ANKRD44: variants seen among roughly 807,000 people sequenced by gnomAD.
ANKRD44 encodes the protein ankyrin repeat domain 44, also known as serine/threonine-protein phosphatase 6 regulatory ankyrin repeat subunit B.
A neutral mutation model predicts 116.0 loss-of-function variants in ANKRD44; 35 were observed. That is an observed-to-expected ratio of 0.30 (90% confidence interval 0.23 to 0.40). The LOEUF (loss-of-function observed/expected upper bound fraction) is 0.40, where lower values mean the gene tolerates loss of function less well. ANKRD44 is among the 10% of genes least tolerant of loss of function. The pLI is 1.00. For missense variants in ANKRD44, 1,014 were observed against 1,242.6 expected (o/e 0.82, Z 2.77); for synonymous variants, 435 against 461.8 (o/e 0.94, Z 0.74).
rs115226815 is a variant in ANKRD44, at chr2:197,293,746, G to A, written c.27+16832C>T. Among the ~76,000 whole-genome samples, 237 of 152,260 alleles carry A rather than the reference G, an allele frequency of 1.6e-3. 1 individual carries two copies. The highest frequency in any genetic ancestry group is 5.4e-3 in the African/African-American group (226 of 41,558). On this transcript the variant is annotated intron_variant, in intron 1 of 27. Coordinates refer to ENST00000282272, the MANE Select transcript of ANKRD44 (RefSeq NM_001195144.2). ...TCTTTACCCACAGGGGAACGATGAG[G>A]CAATATCCTTATGGCCTTGCACACA...
At position 197,019,073 on chromosome 2, in the gene ANKRD44, T is replaced by C. The variant is rs1210814459; in HGVS notation, c.1723-5361A>G. Among the ~76,000 whole-genome samples, 4 of 152,328 alleles carry C rather than the reference T, an allele frequency of 2.6e-5. 1 individual carries two copies. In the South Asian group the frequency reaches 8.3e-4, roughly 32 times the overall value. ...TCCAGACAAAATTCTCTTGTCTCTA[T>C]GTGGAATAGAGACAAAATAATGGTG... is the stretch of plus-strand genomic sequence containing the variant. On this transcript the variant is annotated intron_variant, in intron 17 of 27. Transcript: ENST00000282272.
intron 16 of ANKRD44, among the ~76,000 whole-genome samples, chr2:197,071,307 C>T (rs1472259174): frequency 6.6e-6 from 1 of 152,158 alleles, no homozygotes; most frequent in Non-Finnish European, 1.5e-5. Context: ...TTGAGACTTT[C>T]CTCTTTTCTG....
At chr2:197,218,944 G>A (rs1192605747) in intron 1 of ANKRD44, among the ~76,000 whole-genome samples, 1 of 151,422 alleles carries the variant, frequency 6.6e-6, no homozygotes, top group African/African-American at 2.4e-5. Flanking sequence ...ATTTTTAGTA[G>A]AGACAGGGTT....
chr2:197,030,546 G>A (rs938037326), intron 16 of ANKRD44, among the ~76,000 whole-genome samples: 5 of 152,224 alleles, frequency 3.3e-5, no homozygotes, highest in East Asian at 1.9e-4. Context: ...AGGGTGATGC[G>A]TCTATGGAAT....
intron 21 of ANKRD44, among the ~76,000 whole-genome samples, chr2:196,980,946 A>G (rs1182078966): frequency 6.6e-6 from 1 of 152,236 alleles, no homozygotes; most frequent in African/African-American, 2.4e-5. Flanking sequence ...CAATTCTATG[A>G]TAAATAGCTT....
intron 3 of ANKRD44, among the ~76,000 whole-genome samples, chr2:197,141,427 CATT>C (rs1452918518): frequency 1.3e-5 from 2 of 151,858 alleles, no homozygotes; most frequent in Non-Finnish European, 1.5e-5. Flanking sequence ...ACACTTTTAT[CATT>C]ATTATTATTA....
At chr2:197,277,888 T>G (rs1219723597) in intron 1 of ANKRD44, among the ~76,000 whole-genome samples, 2 of 152,178 alleles carry the variant, frequency 1.3e-5, no homozygotes, top group African/African-American at 4.8e-5. Flanking sequence ...AGGATGAGAA[T>G]AGGCAGTTAG....
At chr2:197,291,773 A>C (rs887054352) in intron 1 of ANKRD44, among the ~76,000 whole-genome samples, 2 of 152,150 alleles carry the variant, frequency 1.3e-5, no homozygotes, top group African/African-American at 4.8e-5. Flanking sequence ...TGCTGCACCC[A>C]TTAACTCGTC....
chr2:197,182,786 GA>G (rs1157605896), intron 2 of ANKRD44, among the ~76,000 whole-genome samples: 6 of 152,120 alleles, frequency 3.9e-5, no homozygotes, highest in African/African-American at 9.7e-5. Context: ...CCTTTGGTTG[GA>G]AAAAAATCTG....
chr2:196,981,933 G>A (rs896188559), downstream of ANKRD44, among the ~76,000 whole-genome samples: 1 of 151,244 alleles, frequency 6.6e-6, no homozygotes, highest in African/African-American at 2.4e-5. Context: ...CCAGGTTTCA[G>A]GGACATCTTG....
chr2:197,117,341 G>A (rs1236223835), intron 8 of ANKRD44, among the ~76,000 whole-genome samples: 1 of 152,138 alleles, frequency 6.6e-6, no homozygotes, highest in Non-Finnish European at 1.5e-5. Flanking sequence ...TCAGATTCAA[G>A]CAATTCTCCT....
chr2:197,248,578 G>GTATATA lies in ANKRD44; in HGVS notation c.28-61478_28-61473dup, dbSNP rs377124357. ...TATGTGTGTGTGTGTGTGTGTGTGT[G>GTATATA]TATATATATATATAAAGAGAGAGAT... is the stretch of plus-strand genomic sequence containing the variant. On this transcript the variant is annotated intron_variant, in intron 1 of 27. Coordinates refer to ENST00000282272, the MANE Select transcript of ANKRD44 (RefSeq NM_001195144.2). Among the ~76,000 whole-genome samples, 182 of 144,244 alleles carry GTATATA rather than the reference G, an allele frequency of 1.3e-3. No individual in the cohort carries two copies. In the East Asian group the frequency reaches 0.018, roughly 14 times the overall value. The allele number at this position is 144,244 out of a possible 152,430, so 94.6% of individuals were successfully genotyped here. A position where few individuals can be genotyped will look rare whatever the true frequency, so the allele number is the denominator to read the frequency against.
At chr2:197,280,208 T>C (rs2083223390) in intron 1 of ANKRD44, among the ~76,000 whole-genome samples, 1 of 152,090 alleles carries the variant, frequency 6.6e-6, no homozygotes, top group South Asian at 2.1e-4. Context: ...CGGGGCCATG[T>C]GCAGTCTACA....
chr2:197,083,590 G>A (rs931244860), intron 13 of ANKRD44, 81 bp from the exon 14 acceptor site: 1 of 1,483,880 alleles, frequency 6.7e-7, no homozygotes, highest in Middle Eastern at 1.8e-4. Context: ...GCAGCAGTAT[G>A]CCTAGGGCAT....
intron 2 of ANKRD44, among the ~76,000 whole-genome samples, chr2:197,181,257 A>C (rs993927830): frequency 6.6e-6 from 1 of 152,228 alleles, no homozygotes; most frequent in African/African-American, 2.4e-5. Context: ...GATTAAAATG[A>C]TCAACTTGGG....
chr2:197,041,524 C>T (rs1158747231), intron 16 of ANKRD44, among the ~76,000 whole-genome samples: 1 of 152,166 alleles, frequency 6.6e-6, no homozygotes, highest in East Asian at 1.9e-4. Flanking sequence ...TCACTGGAAC[C>T]AACAGGAGTT....
chr2:197,251,138 T>C (rs1186918748), intron 1 of ANKRD44: 3 of 152,216 alleles, frequency 2.0e-5, no homozygotes, highest in East Asian at 1.9e-4. Flanking sequence ...TCTTGATAGG[T>C]CTTTTATGTA....
chr2:197,272,141 A>T (rs541286806), intron 1 of ANKRD44, among the ~76,000 whole-genome samples: 8 of 152,366 alleles, frequency 5.3e-5, no homozygotes, highest in African/African-American at 1.9e-4. Flanking sequence ...CACCCTTATC[A>T]GAACCTTACT....
At chr2:197,149,041 C>T (rs928439653) in intron 2 of ANKRD44, among the ~76,000 whole-genome samples, 1 of 152,156 alleles carries the variant, frequency 6.6e-6, no homozygotes, top group African/African-American at 2.4e-5. Context: ...TTTTCTATTT[C>T]TATTGATAAC....
Sources: allele counts gnomAD v4.1 joint callset (sites outside exome capture counted in the v4.1 genomes callset), GRCh38; gene constraint gnomAD v4.1.1; transcripts MANE v1.5; gene names NCBI Gene and HGNC (gene_info 2026-07-23, HGNC 2026-07-21).